RAB5A: variants seen among roughly 807,000 people sequenced by gnomAD.
RAB5A encodes ras-related protein Rab-5A.
Under a neutral mutation model 25.7 loss-of-function variants are expected in RAB5A, and 8 were observed. The ratio of observed to expected loss-of-function variants is 0.31; its 90% CI spans 0.18 to 0.56. The LOEUF (loss-of-function observed/expected upper bound fraction) is 0.56, where lower values mean the gene tolerates loss of function less well. Ranked by LOEUF, RAB5A falls within the 20% of genes least tolerant of loss-of-function variation. The pLI is 0.91. For missense variants in RAB5A, 192 were observed against 259.7 expected (o/e 0.74, Z 1.79); for synonymous variants, 98 against 89.8 (o/e 1.09, Z -0.52).
chr3:19,951,951 A>G lies in RAB5A; in HGVS notation c.163+890A>G, dbSNP rs949336954. Among the ~76,000 whole-genome samples, 3 of 152,100 alleles carry G rather than the reference A, an allele frequency of 2.0e-5. No individual in the cohort carries two copies. In the South Asian group the frequency reaches 6.2e-4, roughly 32 times the overall value. ...AGAAGAAGGGAAAGAGTAGGCACTGACAAGGGTGGTTATGGTGGGACAGAG... is the reference window on the plus strand; with the variant it reads ...AGAAGAAGGGAAAGAGTAGGCACTGGCAAGGGTGGTTATGGTGGGACAGAG... On this transcript the variant is annotated intron_variant, in intron 2 of 5. Coordinates refer to ENST00000273047, the MANE Select transcript of RAB5A (RefSeq NM_004162.5).
At chr3:19,975,488 A>G (rs938861648) in intron 2 of RAB5A, 113 bp from the exon 3 acceptor site, 51 of 976,898 alleles carry the variant, frequency 5.2e-5, no homozygotes, top group Non-Finnish European at 6.7e-5. Context: ...ATAGTTGTAC[A>G]TACTTACGGG....
intron 2 of RAB5A, among the ~76,000 whole-genome samples, chr3:19,957,552 A>T (rs1364066024): frequency 3.3e-5 from 5 of 151,600 alleles, no homozygotes; most frequent in Non-Finnish European, 7.4e-5. Flanking sequence ...AATTCCAGCT[A>T]CTCGGGAGGC....
intron 5 of RAB5A, chr3:19,979,818 AC>A (rs1696888365): frequency 6.6e-6 from 1 of 151,560 alleles, no homozygotes; most frequent in East Asian, 1.9e-4. Context: ...TGTGCCCAGC[AC>A]TCTTCTCATC....
intron 2 of RAB5A, among the ~76,000 whole-genome samples, chr3:19,958,255 T>A (rs1172938132): frequency 6.6e-6 from 1 of 152,214 alleles, no homozygotes; most frequent in Non-Finnish European, 1.5e-5. Flanking sequence ...AATAATAATA[T>A]CTTTGTTCAT....
In RAB5A at chr3:19,976,143, G is replaced by A. The variant is rs760110691; in HGVS notation, c.412G>A (p.Ala138Thr). 1.9e-6 allele frequency: 3 copies of A among 1,610,290 alleles called. No homozygotes were observed. The South Asian group carries it at 3.3e-5, about 18-fold the overall frequency. ...TTTATCGGGAAACAAGGCCGACCTA[G>A]CAAATAAAAGAGCAGTAGATTTCCA... Reference protein sequence around the residue: ...IALSGNKADLANKRAVDFQEA... With the variant: ...IALSGNKADLTNKRAVDFQEA... Residue 138 changes from alanine (A) to threonine (T), a missense_variant, in exon 4 of 6, where the codon GCA (alanine) becomes ACA (threonine). Coordinates refer to ENST00000273047, the MANE Select transcript of RAB5A (RefSeq NM_004162.5).
rs1697005010 is a variant in RAB5A, at chr3:19,984,971, A to G, written c.*1148A>G. ...CCTTTCCAAAGTTCATTTTATTTTG[A>G]TCAGTTCAGTATATTGCACTAATTA... On this transcript the variant is annotated 3_prime_UTR_variant, in exon 6 of 6. Coordinates refer to ENST00000273047, the MANE Select transcript of RAB5A (RefSeq NM_004162.5). 1 of 157,140 alleles carries G rather than the reference A, an allele frequency of 6.4e-6. No homozygotes were observed. Among genetic ancestry groups the G allele is most frequent in the Non-Finnish European group, 1.4e-5 (1 of 71,316 alleles). 9.7% of individuals were successfully genotyped at this position (157,140 alleles called of 1,614,324 possible). A position where few individuals can be genotyped will look rare whatever the true frequency, so the allele number is the denominator to read the frequency against.
rs1696994343 is a variant in RAB5A, at chr3:19,984,450, AC to A, written c.*631del. On this transcript the variant is annotated 3_prime_UTR_variant, in exon 6 of 6. Coordinates refer to ENST00000273047, the MANE Select transcript of RAB5A (RefSeq NM_004162.5). ...TTAAATGGGGTAAAAATCAAATGCA[AC>A]CCCATCTTGTTTTAGGAATTTTGAG... The A allele has an allele frequency of 4.4e-6, 1 of 225,758 alleles. No individual in the cohort carries two copies. Among genetic ancestry groups the A allele is most frequent in the Admixed American group, 6.0e-5 (1 of 16,666 alleles). 14.0% of individuals were successfully genotyped at this position (225,758 alleles called of 1,614,324 possible).
At chr3:19,948,796 G>T (rs950533855) in intron 1 of RAB5A, among the ~76,000 whole-genome samples, 3 of 151,716 alleles carry the variant, frequency 2.0e-5, no homozygotes, top group Non-Finnish European at 4.4e-5. Context: ...TGGAAGTGCC[G>T]TAGAAATTTG....
chr3:19,951,292 A>AT, intron 2 of RAB5A: 1 of 405,050 alleles, frequency 2.5e-6, no homozygotes, highest in Non-Finnish European at 4.4e-6. Flanking sequence ...TAAAATACAG[A>AT]TAAAAAACAT....
chr3:19,976,202 C>A, intron 4 of RAB5A, 33 bp downstream of exon 4: 1 of 1,584,742 alleles, frequency 6.3e-7, no homozygotes, highest in Non-Finnish European at 8.6e-7. Context: ...TTGAAAGGCA[C>A]TTTTTTCCTG....
chr3:19,958,224 T>G (rs1696533222), intron 2 of RAB5A, among the ~76,000 whole-genome samples: 4 of 152,208 alleles, frequency 2.6e-5, no homozygotes, highest in Admixed American at 2.6e-4. Flanking sequence ...TTGTGGAAGT[T>G]AATCATTTGG....
chr3:19,967,482 G>C (rs1310316673), intron 2 of RAB5A, among the ~76,000 whole-genome samples: 1 of 152,108 alleles, frequency 6.6e-6, no homozygotes, highest in African/African-American at 2.4e-5. Context: ...TGTTGTTGCT[G>C]AGTTGTAGGA....
At chr3:19,974,998 G>A (rs544680658) in intron 2 of RAB5A, among the ~76,000 whole-genome samples, 1 of 152,268 alleles carries the variant, frequency 6.6e-6, no homozygotes, top group South Asian at 2.1e-4. Flanking sequence ...GGCCAAGGTG[G>A]GCGGATCACC....
At chr3:19,982,945 ATGTT>A (rs1322269326) in intron 5 of RAB5A, among the ~76,000 whole-genome samples, 14 of 152,290 alleles carry the variant, frequency 9.2e-5, no homozygotes, top group Non-Finnish European at 1.8e-4. Context: ...GTTCTAAAAA[ATGTT>A]TGTGGCAGTC....
intron 2 of RAB5A, among the ~76,000 whole-genome samples, chr3:19,952,555 A>G (rs1435225374): frequency 6.6e-6 from 1 of 152,208 alleles, no homozygotes; most frequent in Non-Finnish European, 1.5e-5. Flanking sequence ...ATAATCTTAG[A>G]CCCATTCTAG....
At chr3:19,974,437 G>GCCA (rs974062993) in intron 2 of RAB5A, among the ~76,000 whole-genome samples, 2 of 152,040 alleles carry the variant, frequency 1.3e-5, no homozygotes, top group African/African-American at 4.8e-5. Context: ...ACAGGCATGA[G>GCCA]CCACCACGCC....
chr3:19,957,389 C>T (rs780616635), intron 2 of RAB5A, among the ~76,000 whole-genome samples: 5 of 151,750 alleles, frequency 3.3e-5, no homozygotes, highest in African/African-American at 7.3e-5. Flanking sequence ...TAGTAAGTGC[C>T]GGGTGCATGG....
Position 19,948,730 on chromosome 3 carries a change from C to T in RAB5A, c.-94+1209C>T, listed in dbSNP as rs1022562632. Among the ~76,000 whole-genome samples, 8 of 151,130 alleles carry T rather than the reference C, an allele frequency of 5.3e-5. No homozygotes were observed. In the Admixed American group the frequency reaches 5.3e-4, roughly 10 times the overall value. ...TAAACCTTAAAAGTCAAAGTGAAAT[C>T]AGAATCTTGTTTGATTTTTTTTTTT... On this transcript the variant is annotated intron_variant, in intron 1 of 5. Transcript: ENST00000273047.
chr3:19,947,383 TGA>T lies in RAB5A; in HGVS notation c.-230_-229del, dbSNP rs1342541091. ...GGCACGAGCCCCGCACAGTCCAGTG[TGA>T]GGGGAGCGGCGCTAAGAGCAGGCGA... On this transcript the variant is annotated 5_prime_UTR_variant, in exon 1 of 6. Transcript: ENST00000273047. The T allele has an allele frequency of 6.3e-6, 1 of 158,724 alleles. No individual in the cohort carries two copies. The highest frequency in any genetic ancestry group is 2.4e-5 in the African/African-American group (1 of 41,132). 9.8% of individuals were successfully genotyped at this position (158,724 alleles called of 1,614,324 possible).
Sources: allele counts gnomAD v4.1 joint callset (sites outside exome capture counted in the v4.1 genomes callset), GRCh38; gene constraint gnomAD v4.1.1; transcripts MANE v1.5; gene names NCBI Gene and HGNC (gene_info 2026-07-23, HGNC 2026-07-21).